MRM2: variants seen among roughly 807,000 people sequenced by gnomAD.
The protein encoded by MRM2 is mitochondrial rRNA methyltransferase 2, also known as rRNA methyltransferase 2, mitochondrial.
In MRM2, 15 loss-of-function variants were observed where a neutral mutation model predicts 10.9. The observed-to-expected ratio is 1.37, with a 90% CI of 0.92 to 2.11. MRM2 has a LOEUF of 2.11. MRM2 is among the 30% of genes most tolerant of loss of function. The pLI is 0.00. For synonymous variants in MRM2, 139 were observed against 128.7 expected (o/e 1.08, Z -0.54); for missense variants, 328 against 321.3 (o/e 1.02, Z -0.16).
intron 2 of MRM2, among the ~76,000 whole-genome samples, chr7:2,237,289 C>T (rs1203398858): frequency 6.6e-6 from 1 of 152,210 alleles, no homozygotes; most frequent in Non-Finnish European, 1.5e-5. Context: ...TGAGCCACTG[C>T]GCCCGGCCTC....
chr7:2,241,959 C>T, intron 1 of MRM2: 1 of 518,168 alleles, frequency 1.9e-6, no homozygotes, highest in Non-Finnish European at 3.3e-6. Context: ...GCCCCGCCGG[C>T]CCTGCCCCTG....
chr7:2,240,874 T>C (rs11761583), intron 1 of MRM2, among the ~76,000 whole-genome samples: 1 of 152,182 alleles, frequency 6.6e-6, no homozygotes, highest in Non-Finnish European at 1.5e-5. Flanking sequence ...TGTTTGTATT[T>C]TCAGTATAGA....
rs1220832574 is a variant in MRM2, at chr7:2,242,147, C to G, written c.8+15G>C. ...CTCCCGCTGTCTGCACGCGCAGCAG[C>G]AGCGCCCAGCTCACCCCGCCATTGG... is the stretch of plus-strand genomic sequence containing the variant. On this transcript the variant is annotated intron_variant, in intron 1 of 2. Coordinates refer to ENST00000242257, the MANE Select transcript of MRM2 (RefSeq NM_013393.3). 4.4e-6 allele frequency: 7 copies of G among 1,583,088 alleles called. No individual in the cohort carries two copies. Among genetic ancestry groups the G allele is most frequent in the Non-Finnish European group, 6.0e-6 (7 of 1,168,614 alleles).
chr7:2,239,827 G>A (rs1051246887), intron 1 of MRM2, 120 bp from the exon 2 acceptor site: 9 of 873,312 alleles, frequency 1.0e-5, no homozygotes, highest in Non-Finnish European at 1.6e-5. Context: ...GCCCAGGAGG[G>A]GAGGTGAACT....
chr7:2,239,304 A>C, intron 2 of MRM2, 114 bp downstream of exon 2: 1 of 1,022,270 alleles, frequency 9.8e-7, no homozygotes, highest in Non-Finnish European at 1.6e-6. Flanking sequence ...ACTCGGAAGC[A>C]CACGCCTTCA....
Position 2,239,399 on chromosome 7 carries a change from C to T in MRM2, c.298+19G>A. 6.3e-7 allele frequency: 1 copy of T among 1,589,410 alleles called. No homozygotes were observed. The highest frequency in any genetic ancestry group is 1.1e-5 in the South Asian group (1 of 88,696). The stretch of plus-strand genomic sequence containing the variant: ...CCTCAGGGGAGCCAGAAGGTGCCAA[C>T]AGCAGTGCAGAGGCCCACCTGTGCC... On this transcript the variant is annotated intron_variant, in intron 2 of 2. Transcript: ENST00000242257.
chr7:2,239,046 A>C, intron 2 of MRM2: 5 of 536,758 alleles, frequency 9.3e-6, no homozygotes, highest in African/African-American at 2.0e-5. Context: ...ATATGTATGT[A>C]TCATTAAGCA....
At chr7:2,239,054 G>T in intron 2 of MRM2, 6 of 568,554 alleles carry the variant, frequency 1.1e-5, no homozygotes, top group Non-Finnish European at 1.6e-5. Context: ...GTATCATTAA[G>T]CAAAAATAGC....
intron 2 of MRM2, among the ~76,000 whole-genome samples, chr7:2,237,105 G>T (rs548841308): frequency 6.6e-6 from 1 of 152,060 alleles, no homozygotes; most frequent in African/African-American, 2.4e-5. Context: ...CCCCAGGTTC[G>T]AGCGACCCCT....
At position 2,235,179 on chromosome 7, in the gene MRM2, T is replaced by C. The variant is rs1794395584; in HGVS notation, c.684A>G (p.Ser228=). The change falls in exon 3 of 3, where the codon TCA becomes TCG. Residue 228 remains serine, a synonymous_variant. Coordinates refer to ENST00000242257, the MANE Select transcript of MRM2 (RefSeq NM_013393.3). ...IKPEASRKES[S]EVYFLATQYH... ...ACTGTGTGGCCAAGAAGTACACTTC[T>C]GATGACTCTTTCCTGCTGGCTTCAG... 1 of 1,614,184 alleles carries C rather than the reference T, an allele frequency of 6.2e-7. No individual in the cohort carries two copies. Among genetic ancestry groups the C allele is most frequent in the South Asian group, 1.1e-5 (1 of 91,090 alleles).
intron 1 of MRM2, among the ~76,000 whole-genome samples, chr7:2,240,796 G>T (rs1367028927): frequency 6.6e-6 from 1 of 152,084 alleles, no homozygotes; most frequent in Non-Finnish European, 1.5e-5. Flanking sequence ...CCGGGTTCAA[G>T]CAATTCTCCT....
intron 2 of MRM2, chr7:2,238,976 A>ATT (rs768660656): frequency 8.1e-6 from 1 of 123,118 alleles, no homozygotes; most frequent in African/African-American, 4.9e-5. Context: ...AACAATAATA[A>ATT]TTATATATAT....
intron 1 of MRM2, chr7:2,240,278 G>C (rs778117514): frequency 6.6e-6 from 3 of 455,752 alleles, no homozygotes; most frequent in Admixed American, 2.4e-5. Flanking sequence ...TTCTCATCTG[G>C]CAAAAATGTT....
chr7:2,238,705 T>A (rs1052073333), intron 2 of MRM2: 3 of 151,940 alleles, frequency 2.0e-5, no homozygotes, highest in Non-Finnish European at 2.9e-5. Flanking sequence ...GAGGCCGAGG[T>A]GGGCAGATCA....
chr7:2,240,108 G>A (rs1794493311), intron 1 of MRM2, among the ~76,000 whole-genome samples: 1 of 152,164 alleles, frequency 6.6e-6, no homozygotes, highest in South Asian at 2.1e-4. Flanking sequence ...TATAAACCCA[G>A]CTACTCGGGA....
chr7:2,235,912 C>G (rs546971856), intron 2 of MRM2, among the ~76,000 whole-genome samples: 1 of 152,324 alleles, frequency 6.6e-6, no homozygotes, highest in Non-Finnish European at 1.5e-5. Flanking sequence ...GTTCTTATCT[C>G]TGAGTGCTCT....
chr7:2,237,469 A>G (rs1317338348), intron 2 of MRM2, among the ~76,000 whole-genome samples: 3 of 152,112 alleles, frequency 2.0e-5, no homozygotes, highest in Non-Finnish European at 4.4e-5. Flanking sequence ...TTCCTCCTAC[A>G]AGGCACGCTG....
At chr7:2,236,933 C>T (rs775131302) in intron 2 of MRM2, among the ~76,000 whole-genome samples, 1 of 152,148 alleles carries the variant, frequency 6.6e-6, no homozygotes, top group South Asian at 2.1e-4. Context: ...TTATAGGCAA[C>T]AAGTCTTGTT....
At chr7:2,240,068 A>G (rs1284142721) in intron 1 of MRM2, among the ~76,000 whole-genome samples, 1 of 152,114 alleles carries the variant, frequency 6.6e-6, no homozygotes, top group Non-Finnish European at 1.5e-5. Context: ...ACTAAAATGC[A>G]AAAATTAGCC....
Sources: gnomAD v4.1 joint callset for allele counts (sites outside exome capture counted in the v4.1 genomes callset) on GRCh38, gnomAD v4.1.1 for gene constraint, MANE v1.5 for transcripts, NCBI Gene and HGNC (gene_info 2026-07-23, HGNC 2026-07-21) for gene names.